HTR4: variants seen among roughly 807,000 people sequenced by gnomAD.
The protein encoded by HTR4 is 5-hydroxytryptamine (serotonin) receptor 4, G protein-coupled.
A neutral mutation model predicts 36.8 loss-of-function variants in HTR4; 16 were observed. The ratio of observed to expected loss-of-function variants is 0.43; its 90% CI spans 0.29 to 0.66. The LOEUF (loss-of-function observed/expected upper bound fraction) is 0.66. HTR4 is among the 30% of genes least tolerant of loss of function. The pLI, the probability that HTR4 is intolerant of heterozygous loss-of-function variation, is 0.13. For synonymous variants in HTR4, 189 were observed against 185.1 expected, an observed-to-expected ratio of 1.02 and a Z score of -0.17; for missense variants, 438 against 490.9, an observed-to-expected ratio of 0.89 and a Z score of 1.02.
At chr5:148,576,904 G>C (rs927938227) in intron 2 of HTR4, among the ~76,000 whole-genome samples, 1 of 152,014 alleles carries the variant, frequency 6.6e-6, no homozygotes, top group Non-Finnish European at 1.5e-5. Context: ...CTGGACAAAG[G>C]AATGGGCAAA....
At chr5:148,530,567 G>T (rs779619515) in intron 4 of HTR4, among the ~76,000 whole-genome samples, 1 of 152,236 alleles carries the variant, frequency 6.6e-6, no homozygotes, top group African/African-American at 2.4e-5. Context: ...GCAGAAGTTT[G>T]CTGCAAAGGC....
intron 6 of HTR4, among the ~76,000 whole-genome samples, chr5:148,497,096 A>G (rs1756720028): frequency 2.6e-5 from 4 of 152,182 alleles, no homozygotes; most frequent in Admixed American, 2.6e-4. Context: ...AAAGTTTTAA[A>G]GTTTCCTTCA....
intron 1 of HTR4, among the ~76,000 whole-genome samples, chr5:148,641,542 C>A (rs1359030152): frequency 6.6e-6 from 1 of 152,242 alleles, no homozygotes; most frequent in Non-Finnish European, 1.5e-5. Context: ...CATGACCATG[C>A]ATGACAAGCT....
chr5:148,509,388 A>T (rs1183746245), intron 6 of HTR4, 68 bp downstream of exon 6: 2 of 1,222,798 alleles, frequency 1.6e-6, no homozygotes, highest in African/African-American at 3.0e-5. Context: ...GGAAACAGAA[A>T]ACTGGAGCAT....
At position 148,482,427 on chromosome 5, in the gene HTR4, A is replaced by G. The variant is rs199724780; in HGVS notation, c.*776T>C. On this transcript the variant is annotated 3_prime_UTR_variant, in exon 7 of 7. Coordinates refer to ENST00000377888, the MANE Select transcript of HTR4 (RefSeq NM_000870.7). ...TCTCAGGGCAGACACGCCAGCGGCC[A>G]GGACACCAGGAGGAAGCTATCTGTC... The G allele has an allele frequency of 2.0e-6, 2 of 985,676 alleles. No homozygotes were observed. The allele number at this position is 985,676 out of a possible 1,614,324, so 61.1% of individuals were successfully genotyped here. A position where few individuals can be genotyped will look rare whatever the true frequency, so the allele number is the denominator to read the frequency against.
chr5:148,470,091 T>C lies in HTR4; in HGVS notation c.1077-18819A>G, dbSNP rs530515696. 1.2e-4 allele frequency among the ~76,000 whole-genome samples: 18 copies of C among 152,286 alleles called. No homozygotes were observed. The South Asian group carries it at 3.7e-3, about 32-fold the overall frequency. On this transcript the variant is annotated intron_variant, in intron 5 of 5. Coordinates refer to the HTR4 transcript ENST00000521530. ...TGACAACAGCAATGATAGCTGACAG[T>C]TATTGAGAACCTATTGTGAGAAGGG...
intron 6 of HTR4, among the ~76,000 whole-genome samples, chr5:148,504,468 A>G (rs1025735770): frequency 3.3e-5 from 5 of 152,366 alleles, no homozygotes; most frequent in African/African-American, 1.2e-4. Flanking sequence ...ATGACATACC[A>G]GAATCTCTGG....
intron 2 of HTR4, among the ~76,000 whole-genome samples, chr5:148,561,790 C>T (rs890426254): frequency 6.6e-6 from 1 of 152,056 alleles, no homozygotes; most frequent in Non-Finnish European, 1.5e-5. Flanking sequence ...AAATGTGGAC[C>T]ACATATGCCC....
In HTR4 at chr5:148,482,336, A is replaced by G; in HGVS notation, c.*867T>C. 1.0e-6 allele frequency: 1 copy of G among 985,500 alleles called. No homozygotes were observed. Among genetic ancestry groups the G allele is most frequent in the South Asian group, 4.7e-5 (1 of 21,294 alleles). The allele number at this position is 985,500 out of a possible 1,614,324, so 61.0% of individuals were successfully genotyped here. ...TCCTGAAGCCTAATAAACACCTACG[A>G]TGTTGCTAGCCCTGCCCAAGGCTTT... On this transcript the variant is annotated 3_prime_UTR_variant, in exon 7 of 7. Coordinates refer to ENST00000377888, the MANE Select transcript of HTR4 (RefSeq NM_000870.7).
At chr5:148,502,315 C>A (rs1021613556) in intron 6 of HTR4, among the ~76,000 whole-genome samples, 2 of 152,200 alleles carry the variant, frequency 1.3e-5, no homozygotes, top group African/African-American at 4.8e-5. Context: ...GAGGAACGAT[C>A]AGGCAGCAAC....
At chr5:148,498,228 T>TG (rs1484192722) in intron 6 of HTR4, among the ~76,000 whole-genome samples, 2 of 152,194 alleles carry the variant, frequency 1.3e-5, no homozygotes, top group Non-Finnish European at 2.9e-5. Context: ...AGGCCAGGCT[T>TG]GGCTGTTTCT....
intron 4 of HTR4, among the ~76,000 whole-genome samples, chr5:148,536,071 G>A (rs1012426048): frequency 4.4e-4 from 67 of 152,198 alleles, no homozygotes; most frequent in African/African-American, 1.6e-3. Flanking sequence ...AGAAAGAATC[G>A]TAGTCCTATA....
At chr5:148,610,189 G>C (rs959692618) in intron 2 of HTR4, among the ~76,000 whole-genome samples, 2 of 152,178 alleles carry the variant, frequency 1.3e-5, no homozygotes, top group East Asian at 3.9e-4. Flanking sequence ...CCTAAAGGTG[G>C]TGGAGGAGCC....
intron 5 of HTR4, among the ~76,000 whole-genome samples, chr5:148,456,700 G>T (rs1361994063): frequency 1.3e-5 from 2 of 152,192 alleles, no homozygotes; most frequent in Admixed American, 6.5e-5. Context: ...TAGGCTCAAA[G>T]AAATAAATAA....
chr5:148,534,386 A>G (rs1758712754), intron 4 of HTR4, among the ~76,000 whole-genome samples: 1 of 152,210 alleles, frequency 6.6e-6, no homozygotes, highest in Non-Finnish European at 1.5e-5. Context: ...TGCAGTAGCC[A>G]TATGTTAAAG....
At chr5:148,507,878 A>G (rs1235265235) in intron 6 of HTR4, among the ~76,000 whole-genome samples, 1 of 152,192 alleles carries the variant, frequency 6.6e-6, no homozygotes, top group Non-Finnish European at 1.5e-5. Context: ...GCTAAAAACT[A>G]TTTGGCACCC....
intron 6 of HTR4, among the ~76,000 whole-genome samples, chr5:148,486,991 C>T: frequency 6.6e-6 from 1 of 152,310 alleles, no homozygotes; most frequent in Non-Finnish European, 1.5e-5. Context: ...TGCAAAACAT[C>T]ATTTAAAAAG....
intron 4 of HTR4, among the ~76,000 whole-genome samples, chr5:148,529,403 T>C (rs1758443730): frequency 6.6e-6 from 1 of 152,172 alleles, no homozygotes; most frequent in Non-Finnish European, 1.5e-5. Flanking sequence ...CATGTTGTTC[T>C]CATGATGGTG....
At chr5:148,645,809 C>G (rs577062960) in intron 1 of HTR4, 17 of 152,324 alleles carry the variant, frequency 1.1e-4, no homozygotes, top group African/African-American at 3.8e-4. Context: ...TCTGCTTCTT[C>G]ACAAAGGCAG....
Sources: gnomAD v4.1 joint callset for allele counts (sites outside exome capture counted in the v4.1 genomes callset) on GRCh38, gnomAD v4.1.1 for gene constraint, MANE v1.5 for transcripts, NCBI Gene and HGNC (gene_info 2026-07-23, HGNC 2026-07-21) for gene names.